The following TLL2 variants were observed in gnomAD, a reference collection of about 807,000 sequenced individuals.
TLL2 encodes the protein tolloid like 2.
Under a neutral mutation model 123.0 loss-of-function variants are expected in TLL2, and 106 were observed. The ratio of observed to expected loss-of-function variants is 0.86; its 90% CI spans 0.74 to 1.01. The LOEUF (loss-of-function observed/expected upper bound fraction) is 1.01, where lower values mean the gene tolerates loss of function less well. Ranked by LOEUF, TLL2 falls within the 50% of genes least tolerant of loss-of-function variation. The probability of loss-of-function intolerance (pLI) is 0.00; values close to 1 mark genes in which losing one functional copy is unlikely to be tolerated. For synonymous variants in TLL2, 494 were observed against 516.8 expected, an observed-to-expected ratio of 0.96 and a Z score of 0.60; for missense variants, 1,332 against 1,336.7, an observed-to-expected ratio of 1.00 and a Z score of 0.06.
chr10:96,424,753 C>T (rs1339049340), intron 5 of TLL2, among the ~76,000 whole-genome samples: 1 of 142,008 alleles, frequency 7.0e-6, no homozygotes, highest in African/African-American at 2.6e-5. Context: ...TCTCATTTGA[C>T]TTTGTTTTTA....
rs534221724 is a variant in TLL2, at chr10:96,489,014, G to A, written c.176-8555C>T. On this transcript the variant is annotated intron_variant, in intron 1 of 20. Transcript: ENST00000357947. Reference sequence around the variant, plus strand: ...CAGAGAGAAGAGCAGGGCACTAAGGGGTAAGTTCAAAACCAACATAGCCCA... The same window carrying A: ...CAGAGAGAAGAGCAGGGCACTAAGGAGTAAGTTCAAAACCAACATAGCCCA... Among the ~76,000 whole-genome samples, 15 of 152,304 alleles carry A rather than the reference G, an allele frequency of 9.8e-5. No individual in the cohort carries two copies. In the South Asian group the frequency reaches 2.7e-3, roughly 27 times the overall value.
At chr10:96,480,542 T>C (rs185014157) in intron 1 of TLL2, 83 bp from the exon 2 acceptor site, 1 of 1,098,628 alleles carries the variant, frequency 9.1e-7, no homozygotes, top group Non-Finnish European at 1.4e-6. Flanking sequence ...GGGCATTGGG[T>C]GTTGGGTGGT....
chr10:96,375,337 A>T (rs1333908616), intron 18 of TLL2: 1 of 152,182 alleles, frequency 6.6e-6, no homozygotes, highest in Non-Finnish European at 1.5e-5. Flanking sequence ...GCGCGCAATC[A>T]ATATAGCCAC....
intron 13 of TLL2, among the ~76,000 whole-genome samples, chr10:96,394,663 T>C (rs528543673): frequency 6.6e-6 from 1 of 152,226 alleles, no homozygotes; most frequent in African/African-American, 2.4e-5. Context: ...CATCAAGGAA[T>C]AGTAGCAATG....
chr10:96,512,369 C>G (rs1168274837), intron 1 of TLL2, among the ~76,000 whole-genome samples: 1 of 152,258 alleles, frequency 6.6e-6, no homozygotes, highest in Admixed American at 6.5e-5. Flanking sequence ...CCTATAATTA[C>G]TGCCACCAAT....
At chr10:96,411,099 G>C (rs1471034596) in intron 8 of TLL2, among the ~76,000 whole-genome samples, 1 of 151,670 alleles carries the variant, frequency 6.6e-6, no homozygotes, top group Non-Finnish European at 1.5e-5. Flanking sequence ...AAAATTAGCT[G>C]GGTGGTAGTG....
intron 13 of TLL2, among the ~76,000 whole-genome samples, chr10:96,388,440 ACT>A (rs1379796333): frequency 1.3e-5 from 2 of 152,074 alleles, no homozygotes; most frequent in South Asian, 4.2e-4. Flanking sequence ...TCTTGAAATA[ACT>A]CTTTACACAC....
At chr10:96,494,184 C>T (rs1387680505) in intron 1 of TLL2, among the ~76,000 whole-genome samples, 7 of 152,200 alleles carry the variant, frequency 4.6e-5, no homozygotes, top group Admixed American at 1.3e-4. Context: ...CACACCCCTC[C>T]GCACTGAAGA....
At chr10:96,380,411 C>T (rs1214688469) in intron 16 of TLL2, among the ~76,000 whole-genome samples, 2 of 152,038 alleles carry the variant, frequency 1.3e-5, no homozygotes, top group Non-Finnish European at 2.9e-5. Flanking sequence ...CAACTAAGAG[C>T]CCTTGTAAGA....
chr10:96,370,638 G>A (rs926789287), intron 19 of TLL2, among the ~76,000 whole-genome samples: 1 of 152,186 alleles, frequency 6.6e-6, no homozygotes, highest in Non-Finnish European at 1.5e-5. Flanking sequence ...TCGCCTCACT[G>A]GTCGCTGGGA....
At chr10:96,456,777 G>A (rs1847020679) in intron 2 of TLL2, among the ~76,000 whole-genome samples, 1 of 152,206 alleles carries the variant, frequency 6.6e-6, no homozygotes. Context: ...GTATGTGGGA[G>A]ACACAGCTGT....
chr10:96,490,516 C>T (rs893775530), intron 1 of TLL2, among the ~76,000 whole-genome samples: 4 of 152,108 alleles, frequency 2.6e-5, no homozygotes, highest in African/African-American at 9.7e-5. Context: ...AAGTAGGGAA[C>T]TAAGCAATGA....
intron 1 of TLL2, among the ~76,000 whole-genome samples, chr10:96,498,033 T>A (rs763349094): frequency 5.3e-5 from 8 of 152,228 alleles, no homozygotes; most frequent in Non-Finnish European, 1.2e-4. Flanking sequence ...TAGGTCCTAA[T>A]AACCCAAAGC....
rs1847118910 is a variant in TLL2 at position 96,465,352 on chromosome 10, T to G, written c.286+14997A>C. 2.6e-5 allele frequency among the ~76,000 whole-genome samples: 4 copies of G among 152,344 alleles called. No homozygotes were observed. The South Asian group carries it at 6.2e-4, about 24-fold the overall frequency. Reference sequence around the variant, plus strand: ...ATGTGGTCCCACCTCACTGATTGACTGGAGCAGGAAGAATCTGTCTGATGC... The same window carrying G: ...ATGTGGTCCCACCTCACTGATTGACGGGAGCAGGAAGAATCTGTCTGATGC... On this transcript the variant is annotated intron_variant, in intron 2 of 20. Transcript: ENST00000357947.
intron 15 of TLL2, among the ~76,000 whole-genome samples, chr10:96,384,994 A>T (rs1564895570): frequency 6.6e-6 from 1 of 152,262 alleles, no homozygotes; most frequent in East Asian, 1.9e-4. Context: ...GCACAAGAGC[A>T]CAGGGCTCCC....
intron 9 of TLL2, among the ~76,000 whole-genome samples, chr10:96,407,855 A>T (rs1846465609): frequency 6.7e-6 from 1 of 149,462 alleles, no homozygotes; most frequent in East Asian, 1.9e-4. Flanking sequence ...GAGCATGTGC[A>T]TGCATGTGTG....
At chr10:96,406,387 T>G (rs1846450078) in intron 9 of TLL2, among the ~76,000 whole-genome samples, 1 of 151,870 alleles carries the variant, frequency 6.6e-6, no homozygotes, top group Admixed American at 6.6e-5. Context: ...CTCCATCACG[T>G]CTCCACTCTT....
chr10:96,396,693 C>T (rs1437238366), intron 11 of TLL2, among the ~76,000 whole-genome samples: 1 of 150,866 alleles, frequency 6.6e-6, no homozygotes, highest in Non-Finnish European at 1.5e-5. Context: ...CTGCCTAGAG[C>T]CCAGACCTAT....
At chr10:96,487,579 G>T (rs1847369881) in intron 1 of TLL2, among the ~76,000 whole-genome samples, 1 of 152,172 alleles carries the variant, frequency 6.6e-6, no homozygotes, top group Non-Finnish European at 1.5e-5. Flanking sequence ...GGAGTTGGGG[G>T]AGGGAGAGGA....
Sources: allele counts gnomAD v4.1 joint callset (sites outside exome capture counted in the v4.1 genomes callset), GRCh38; gene constraint gnomAD v4.1.1; transcripts MANE v1.5; gene names NCBI Gene and HGNC (gene_info 2026-07-23, HGNC 2026-07-21).